The following KDM7A variants were observed in gnomAD, a reference collection of about 807,000 sequenced individuals.
KDM7A encodes the protein lysine-specific demethylase 7A.
In KDM7A, 28 loss-of-function variants were observed where a neutral mutation model predicts 114.8. The observed-to-expected ratio is 0.24, with a 90% CI of 0.18 to 0.33. The LOEUF (loss-of-function observed/expected upper bound fraction) is 0.33. Among genes scored for constraint, KDM7A ranks in the 10% least tolerant of loss-of-function variants. KDM7A has a pLI of 1.00. For synonymous variants in KDM7A, 423 were observed against 397.8 expected (o/e 1.06, Z -0.75); for missense variants, 942 against 1,142.5 (o/e 0.82, Z 2.53).
intron 12 of KDM7A, among the ~76,000 whole-genome samples, chr7:140,100,727 T>TACAC: frequency 3.3e-5 from 2 of 60,374 alleles, no homozygotes; most frequent in African/African-American, 7.0e-5. Flanking sequence ...TATATATATA[T>TACAC]ATATATATAT....
At chr7:140,123,470 G>A (rs535274126) in intron 7 of KDM7A, among the ~76,000 whole-genome samples, 1 of 152,204 alleles carries the variant, frequency 6.6e-6, no homozygotes, top group East Asian at 1.9e-4. Context: ...AACAAAATAC[G>A]GTAAAGCTGA....
At chr7:140,107,078 A>G (rs1485581505) in intron 11 of KDM7A, among the ~76,000 whole-genome samples, 1 of 152,122 alleles carries the variant, frequency 6.6e-6, no homozygotes, top group Non-Finnish European at 1.5e-5. Flanking sequence ...GTTTTATCAG[A>G]GACTAGGATT....
intron 14 of KDM7A, among the ~76,000 whole-genome samples, 162 bp downstream of exon 14, chr7:140,098,717 C>T (rs962672870): frequency 1.3e-5 from 2 of 152,180 alleles, no homozygotes; most frequent in African/African-American, 2.4e-5. Context: ...TGGGCATTCA[C>T]GTTCAGCACT....
rs1190281218 is a variant in KDM7A at position 140,111,112 on chromosome 7, C to T, written c.1411G>A (p.Val471Ile). Residue 471 changes from valine (V) to isoleucine (I), a missense_variant, in exon 11 of 20, where the codon GTA (valine) becomes ATA (isoleucine). By Grantham distance (29) the Val-to-Ile change is conservative. Transcript: ENST00000397560. ...ACTCTTACCTCTATTGCTCGAATTA[C>T]TTTAGAAAGTTCTTTAATAAGGTGT... is the stretch of plus-strand genomic sequence containing the variant. ...PGHLIKELSKVIRAIEEENGK... is the reference protein window; with the variant it reads ...PGHLIKELSKIIRAIEEENGK... The T allele has an allele frequency of 1.9e-6, 3 of 1,594,634 alleles. No individual in the cohort carries two copies. The highest frequency in any genetic ancestry group is 2.2e-5 in the East Asian group (1 of 44,664).
chr7:140,167,066 A>C (rs1163013476), intron 1 of KDM7A, among the ~76,000 whole-genome samples: 1 of 152,236 alleles, frequency 6.6e-6, no homozygotes, highest in African/African-American at 2.4e-5. Flanking sequence ...ATCTATACAA[A>C]GAAAAATTAA....
chr7:140,094,501 T>C (rs1818072618), intron 17 of KDM7A, among the ~76,000 whole-genome samples: 1 of 151,254 alleles, frequency 6.6e-6, no homozygotes, highest in African/African-American at 2.4e-5. Flanking sequence ...TGAGACTCCA[T>C]CTTGGGGGAA....
intron 7 of KDM7A, among the ~76,000 whole-genome samples, chr7:140,124,382 AT>A (rs1238994174): frequency 3.9e-5 from 6 of 152,216 alleles, no homozygotes; most frequent in Admixed American, 3.3e-4. Context: ...TGGTATGTGA[AT>A]TTTTTCTCAA....
chr7:140,159,085 C>T (rs113873785), intron 1 of KDM7A, among the ~76,000 whole-genome samples: 16 of 152,328 alleles, frequency 1.1e-4, no homozygotes, highest in African/African-American at 3.8e-4. Context: ...GTGACTCATA[C>T]CTGTAATCCC....
intron 3 of KDM7A, among the ~76,000 whole-genome samples, chr7:140,131,732 C>T (rs1315358277): frequency 6.6e-6 from 1 of 152,164 alleles, no homozygotes; most frequent in Non-Finnish European, 1.5e-5. Context: ...ACTTGTATTC[C>T]CTGATCTCAC....
intron 11 of KDM7A, among the ~76,000 whole-genome samples, chr7:140,109,789 T>G (rs1818402975): frequency 6.6e-6 from 1 of 152,208 alleles, no homozygotes; most frequent in Admixed American, 6.5e-5. Context: ...TAAATTGGAC[T>G]TGGTAAAAAT....
At chr7:140,111,894 G>T (rs540732458) in intron 10 of KDM7A, among the ~76,000 whole-genome samples, 1 of 150,748 alleles carries the variant, frequency 6.6e-6, no homozygotes, top group South Asian at 2.1e-4. Context: ...GCAGTGAGCC[G>T]AGATTGTGCC....
chr7:140,147,913 T>C (rs576989690), intron 1 of KDM7A, among the ~76,000 whole-genome samples: 1 of 152,344 alleles, frequency 6.6e-6, no homozygotes, highest in African/African-American at 2.4e-5. Flanking sequence ...GGTTTCTCAA[T>C]CTGCCTGAGG....
chr7:140,107,064 G>C (rs929915150), intron 11 of KDM7A, among the ~76,000 whole-genome samples: 7 of 152,136 alleles, frequency 4.6e-5, no homozygotes, highest in Non-Finnish European at 1.0e-4. Flanking sequence ...TTGGTTTAAA[G>C]TCTGTTTTAT....
chr7:140,115,071 G>C (rs796242804), intron 9 of KDM7A, among the ~76,000 whole-genome samples: 5 of 151,064 alleles, frequency 3.3e-5, no homozygotes, highest in African/African-American at 1.2e-4. Flanking sequence ...CGCCCCATCC[G>C]GGAGGGAGGT....
At chr7:140,101,812 C>A in intron 12 of KDM7A, 139 bp downstream of exon 12, 1 of 643,588 alleles carries the variant, frequency 1.6e-6, no homozygotes, top group Non-Finnish European at 2.8e-6. Context: ...CTGTCACAGG[C>A]ATAACTACTG....
In KDM7A at chr7:140,088,975, CATGAT is replaced by C. The variant is rs1164414436; in HGVS notation, c.*2114_*2118del. On this transcript the variant is annotated 3_prime_UTR_variant, in exon 20 of 20. Transcript: ENST00000397560. ...GTAAAGGAAAAAAGAAAACCCAGAT[CATGAT>C]ATAACACGAAAAGGAAATTATAGCT... The C allele has an allele frequency of 3.3e-5, 5 of 152,358 alleles. No individual in the cohort carries two copies. The South Asian group carries it at 1.0e-3, about 32-fold the overall frequency. The allele number at this position is 152,358 out of a possible 1,614,324, so 9.4% of individuals were successfully genotyped here. A position where few individuals can be genotyped will look rare whatever the true frequency, so the allele number is the denominator to read the frequency against.
Position 140,126,706 on chromosome 7 carries a change from TC to T in KDM7A, c.818del (p.Gly273GlufsTer31). ...KPFVQKYCLMGVQDSYTDFHI... is the reference protein window; with the variant it reads ...KPFVQKYCLMXVQDSYTDFHI... Reference sequence around the variant, plus strand: ...GGAAATCTGTATAGCTGTCTTGAACTCCCATTAAGCAATATTTCTGAACAAA... The same window carrying T: ...GGAAATCTGTATAGCTGTCTTGAACTCCATTAAGCAATATTTCTGAACAAA... On this transcript the variant is annotated frameshift_variant, in exon 6 of 20. Transcript: ENST00000397560. LOFTEE classifies it high-confidence loss of function. The T allele has an allele frequency of 1.9e-6, 3 of 1,613,710 alleles. No homozygotes were observed. Among genetic ancestry groups the T allele is most frequent in the Non-Finnish European group, 2.5e-6 (3 of 1,179,656 alleles).
chr7:140,176,859 CG>C lies in KDM7A; in HGVS notation c.78del (p.Gly27AlafsTer22). ...AAAAAVSVAA[P>X]GRASAPPPPP... ...GGCGGCGGAGGCGCCGAGGCCCGGC[CG>C]GGAGCCGCCACCGACACGGCTGCCG... is the stretch of plus-strand genomic sequence containing the variant. On this transcript the variant is annotated frameshift_variant, in exon 1 of 20. Coordinates refer to ENST00000397560, the MANE Select transcript of KDM7A (RefSeq NM_030647.2). LOFTEE classifies it high-confidence loss of function. This position sits in a 1 kb window ranked among gnomAD's most constrained non-coding sequence, Gnocchi z 4.4. The C allele has an allele frequency of 7.8e-7, 1 of 1,279,772 alleles. No individual in the cohort carries two copies. Among genetic ancestry groups the C allele is most frequent in the Non-Finnish European group, 1.0e-6 (1 of 999,500 alleles). The allele number at this position is 1,279,772 out of a possible 1,614,324, so 79.3% of individuals were successfully genotyped here.
intron 8 of KDM7A, 134 bp downstream of exon 8, chr7:140,120,308 T>C: frequency 1.9e-6 from 1 of 533,244 alleles, no homozygotes. Flanking sequence ...AAAGCTTCTA[T>C]CCCTAATAAT....
Sources: allele counts gnomAD v4.1 joint callset (sites outside exome capture counted in the v4.1 genomes callset), GRCh38; gene constraint gnomAD v4.1.1; non-coding constraint Gnocchi (gnomAD v3.1); transcripts MANE v1.5; gene names NCBI Gene and HGNC (gene_info 2026-07-23, HGNC 2026-07-21).